UGCG: variants seen among roughly 807,000 people sequenced by gnomAD.
UGCG encodes ceramide glucosyltransferase.
A neutral mutation model predicts 49.5 loss-of-function variants in UGCG; 10 were observed. The ratio of observed to expected loss-of-function variants is 0.20; its 90% CI spans 0.12 to 0.34. UGCG has a LOEUF of 0.34. Among genes scored for constraint, UGCG ranks in the 10% least tolerant of loss-of-function variants. The pLI is 1.00. For synonymous variants in UGCG, 182 were observed against 158.2 expected, an observed-to-expected ratio of 1.15 and a Z score of -1.13; for missense variants, 312 against 483.7, an observed-to-expected ratio of 0.65 and a Z score of 3.33.
chr9:111,926,729 G>A (rs185322176), intron 5 of UGCG, among the ~76,000 whole-genome samples: 2 of 152,104 alleles, frequency 1.3e-5, no homozygotes, highest in Admixed American at 6.5e-5. Context: ...AAATGCCTGC[G>A]GTCTTATTGC....
intron 8 of UGCG, 98 bp downstream of exon 8, chr9:111,932,457 C>T (rs1169453643): frequency 8.0e-7 from 1 of 1,250,250 alleles, no homozygotes; most frequent in Non-Finnish European, 1.1e-6. Flanking sequence ...AGCCATTCTT[C>T]AGCTTCCCAT....
intron 1 of UGCG, among the ~76,000 whole-genome samples, chr9:111,902,755 C>T (rs564796861): frequency 1.2e-4 from 18 of 151,922 alleles, no homozygotes; most frequent in African/African-American, 4.1e-4. Flanking sequence ...TCATATTCTT[C>T]CTTAGAAACC....
At chr9:111,931,226 T>C (rs772290192) in intron 6 of UGCG, 45 bp from the exon 7 acceptor site, 2 of 1,571,184 alleles carry the variant, frequency 1.3e-6, no homozygotes, top group Non-Finnish European at 1.7e-6. Context: ...TACGCTTGCA[T>C]GTGTTCATCA....
At chr9:111,913,107 A>T (rs550772823) in intron 1 of UGCG, among the ~76,000 whole-genome samples, 1 of 152,342 alleles carries the variant, frequency 6.6e-6, no homozygotes, top group East Asian at 1.9e-4. Context: ...TTTTTTGATC[A>T]TCTAGAAGTT....
chr9:111,931,169 C>T (rs1838417849), intron 6 of UGCG, 102 bp from the exon 7 acceptor site: 4 of 1,124,682 alleles, frequency 3.6e-6, no homozygotes, highest in East Asian at 2.6e-5. Flanking sequence ...ACCCTGAATA[C>T]CGGCAGTTGC....
At chr9:111,898,715 A>T (rs766614102) in intron 1 of UGCG, among the ~76,000 whole-genome samples, 1 of 152,120 alleles carries the variant, frequency 6.6e-6, no homozygotes, top group Non-Finnish European at 1.5e-5. Flanking sequence ...CAATAGAGAG[A>T]GATGGAGAAA....
intron 8 of UGCG, 114 bp downstream of exon 8, chr9:111,932,473 G>A: frequency 1.7e-6 from 2 of 1,146,574 alleles, no homozygotes; most frequent in Non-Finnish European, 2.4e-6. Context: ...CCCATTGTAG[G>A]TTAGTCTCGG....
rs114542677 is a variant in UGCG, at chr9:111,925,559, T to C, written c.445+681T>C. ...TCTCAGTAGTAAAAGCAAAAATATC[T>C]TCAGATGTTGCCGGATGTCCCCTGT... On this transcript the variant is annotated intron_variant, in intron 4 of 8. Transcript: ENST00000374279. Among the ~76,000 whole-genome samples the C allele has an allele frequency of 2.1e-3, 317 of 152,342 alleles. 1 individual carries two copies. The highest frequency in any genetic ancestry group is 7.3e-3 in the African/African-American group (303 of 41,578).
chr9:111,926,007 A>G (rs888852755), intron 4 of UGCG, among the ~76,000 whole-genome samples: 2 of 152,264 alleles, frequency 1.3e-5, no homozygotes, highest in Non-Finnish European at 2.9e-5. Flanking sequence ...GTTGGAGAGT[A>G]GAGAAGCCAG....
At chr9:111,917,273 A>T (rs967555510) in intron 2 of UGCG, among the ~76,000 whole-genome samples, 11 of 152,262 alleles carry the variant, frequency 7.2e-5, no homozygotes, top group African/African-American at 2.7e-4. Flanking sequence ...AAGTACCTGC[A>T]ATCTAAGGGA....
intron 1 of UGCG, among the ~76,000 whole-genome samples, chr9:111,903,989 C>A (rs1837828384): frequency 6.6e-6 from 1 of 152,174 alleles, no homozygotes; most frequent in Non-Finnish European, 1.5e-5. Context: ...CTGGGTCTCA[C>A]CCCTACAGAC....
At chr9:111,908,095 G>T (rs12685593) in intron 1 of UGCG, among the ~76,000 whole-genome samples, 11,953 of 151,934 alleles carry the variant, frequency 0.079, 747 homozygotes, top group African/African-American at 0.16. Flanking sequence ...GAAGGCTTGG[G>T]GGGTGGGTGG....
chr9:111,905,546 C>T (rs1266920731), intron 1 of UGCG, among the ~76,000 whole-genome samples: 2 of 151,898 alleles, frequency 1.3e-5, no homozygotes, highest in Non-Finnish European at 2.9e-5. Context: ...ACCTCTGCTT[C>T]CCAGGTTCAA....
intron 1 of UGCG, among the ~76,000 whole-genome samples, chr9:111,903,813 C>T (rs1454914625): frequency 6.6e-6 from 1 of 152,152 alleles, no homozygotes; most frequent in East Asian, 1.9e-4. Context: ...CTAGGCTGGT[C>T]TCGAACTCCT....
At chr9:111,930,675 G>T (rs902211445) in intron 6 of UGCG, among the ~76,000 whole-genome samples, 2 of 151,524 alleles carry the variant, frequency 1.3e-5, no homozygotes, top group Non-Finnish European at 2.9e-5. Context: ...TCACCATGTT[G>T]GCCAGGCTAG....
rs1838023053 is a variant in UGCG at position 111,912,171 on chromosome 9, A to T, written c.99-2434A>T. 2.0e-5 allele frequency among the ~76,000 whole-genome samples: 3 copies of T among 151,432 alleles called. No individual in the cohort carries two copies. The South Asian group carries it at 6.3e-4, about 32-fold the overall frequency. ...TTTTGTTAGAAATAGAATAGTGATTACTTTTGTGGTTATATGCGTTTTAGA... is the reference window on the plus strand; with the variant it reads ...TTTTGTTAGAAATAGAATAGTGATTTCTTTTGTGGTTATATGCGTTTTAGA... On this transcript the variant is annotated intron_variant, in intron 1 of 8. Transcript: ENST00000374279.
intron 1 of UGCG, among the ~76,000 whole-genome samples, chr9:111,905,459 C>T (rs77991372): frequency 2.1e-5 from 3 of 145,848 alleles, no homozygotes; most frequent in African/African-American, 7.5e-5. Flanking sequence ...ATGCATTACT[C>T]TTTTTTTTTT....
At chr9:111,897,735 T>G (rs1431627947) in intron 1 of UGCG, among the ~76,000 whole-genome samples, 1 of 151,868 alleles carries the variant, frequency 6.6e-6, no homozygotes, top group Non-Finnish European at 1.5e-5. Context: ...CTCACAGCTA[T>G]CTGGACACCT....
intron 4 of UGCG, among the ~76,000 whole-genome samples, chr9:111,926,083 T>C (rs2118584763): frequency 6.6e-6 from 1 of 152,292 alleles, no homozygotes; most frequent in South Asian, 2.1e-4. Context: ...TTGTCCTTAT[T>C]CCAAATTAGA....
Sources: gnomAD v4.1 joint callset for allele counts (sites outside exome capture counted in the v4.1 genomes callset) on GRCh38, gnomAD v4.1.1 for gene constraint, MANE v1.5 for transcripts, NCBI Gene and HGNC (gene_info 2026-07-23, HGNC 2026-07-21) for gene names.